The following CRACR2A variants were observed in gnomAD, a reference collection of about 807,000 sequenced individuals.
CRACR2A encodes calcium release activated channel regulator 2A.
CRACR2A carries 79 observed loss-of-function variants against 90.5 expected under a neutral mutation model. That is an observed-to-expected ratio of 0.87 (90% CI 0.73 to 1.05). The LOEUF (loss-of-function observed/expected upper bound fraction) is 1.05, where lower values mean the gene tolerates loss of function less well. Among genes scored for constraint, CRACR2A ranks in the 50% least tolerant of loss-of-function variants. The pLI is 0.00. For synonymous variants in CRACR2A, 338 were observed against 356.7 expected (o/e 0.95, Z 0.59); for missense variants, 823 against 897.2 (o/e 0.92, Z 1.06).
At chr12:3,675,324 G>A (rs185737502) in intron 6 of CRACR2A, among the ~76,000 whole-genome samples, 2 of 151,902 alleles carry the variant, frequency 1.3e-5, no homozygotes, top group Non-Finnish European at 2.9e-5. Context: ...AATGGGTGGT[G>A]ACCTCCCATC....
chr12:3,623,630 T>C lies in CRACR2A; in HGVS notation c.1932+3806A>G, dbSNP rs190870114. On this transcript the variant is annotated intron_variant, in intron 17 of 19. Transcript: ENST00000440314. ...GAATGGTTAAACCAATTCTACCCAATTGAGATAAGAAATTGGGGGTGGGTT... is the reference window on the plus strand; with the variant it reads ...GAATGGTTAAACCAATTCTACCCAACTGAGATAAGAAATTGGGGGTGGGTT... Among the ~76,000 whole-genome samples the C allele has an allele frequency of 4.6e-5, 7 of 152,262 alleles. No homozygotes were observed. In the East Asian group the frequency reaches 9.6e-4, roughly 21 times the overall value.
intron 8 of CRACR2A, among the ~76,000 whole-genome samples, chr12:3,658,960 G>A (rs1409693741): frequency 6.6e-6 from 1 of 152,184 alleles, no homozygotes; most frequent in Non-Finnish European, 1.5e-5. Flanking sequence ...GTCAGACCAG[G>A]AAGAGGGAAG....
In CRACR2A at chr12:3,644,656, G is replaced by A; in HGVS notation, c.1119-16C>T. 1.3e-6 allele frequency: 2 copies of A among 1,551,506 alleles called. No homozygotes were observed. The highest frequency in any genetic ancestry group is 4.9e-5 in the East Asian group (2 of 40,920). ...GTTCCTTTCCCTGTGGATGGTAAAG[G>A]GGAATCTATTCAAACATGGAGTTTG... is the stretch of plus-strand genomic sequence containing the variant. On this transcript the variant is annotated splice_polypyrimidine_tract_variant and intron_variant, in intron 11 of 19. Transcript: ENST00000440314.
chr12:3,647,513 G>A (rs147164140), intron 11 of CRACR2A, among the ~76,000 whole-genome samples: 120 of 152,010 alleles, frequency 7.9e-4, no homozygotes, highest in African/African-American at 2.7e-3. Context: ...GTCCTTATAC[G>A]TTTTGTTCTC....
Position 3,638,192 on chromosome 12 carries a change from C to T in CRACR2A, c.1534G>A (p.Ala512Thr). The T allele has an allele frequency of 6.4e-7, 1 of 1,551,300 alleles. No individual in the cohort carries two copies. The highest frequency in any genetic ancestry group is 1.7e-4 in the Middle Eastern group (1 of 5,976). ...GTGGGGGTGAGTTTCAAGGGTGGGG[C>T]CTCCGGGATTTGTCCCTGTACCCCC... ...DQGVQGQIPE[A>T]PPLKLTPTSP... The change falls in exon 14 of 20, where the codon GCC becomes ACC. Residue 512 changes from alanine to threonine, a missense_variant. Coordinates refer to ENST00000440314, the MANE Select transcript of CRACR2A (RefSeq NM_001144958.2).
intron 17 of CRACR2A, among the ~76,000 whole-genome samples, chr12:3,620,633 T>C (rs1565459944): frequency 5.9e-5 from 9 of 152,266 alleles, no homozygotes; most frequent in Admixed American, 4.6e-4. Flanking sequence ...CACTGAATTA[T>C]GAGAACTCTT....
At chr12:3,719,995 T>G (rs996662075) in intron 2 of CRACR2A, among the ~76,000 whole-genome samples, 4 of 151,812 alleles carry the variant, frequency 2.6e-5, no homozygotes, top group Non-Finnish European at 4.4e-5. Context: ...GGCGGGCGCC[T>G]GTAATCCCAG....
chr12:3,714,297 A>G (rs1946050756), intron 2 of CRACR2A, among the ~76,000 whole-genome samples: 1 of 152,258 alleles, frequency 6.6e-6, no homozygotes, highest in African/African-American at 2.4e-5. Context: ...TCCAGTGGGC[A>G]GAGACAAATA....
At chr12:3,701,170 A>G (rs1945828962) in intron 3 of CRACR2A, among the ~76,000 whole-genome samples, 1 of 152,114 alleles carries the variant, frequency 6.6e-6, no homozygotes, top group Non-Finnish European at 1.5e-5. Flanking sequence ...ATGGAAAAAA[A>G]AAAGCACAAT....
intron 5 of CRACR2A, among the ~76,000 whole-genome samples, chr12:3,679,423 G>A (rs963889165): frequency 2.0e-5 from 3 of 152,166 alleles, no homozygotes; most frequent in Non-Finnish European, 4.4e-5. Context: ...AAGCAACAAG[G>A]CCTTTCCCTG....
chr12:3,649,793 G>C (rs867117231), intron 10 of CRACR2A, among the ~76,000 whole-genome samples: 1 of 151,686 alleles, frequency 6.6e-6, no homozygotes, highest in African/African-American at 2.4e-5. Flanking sequence ...AAAGAGGTGA[G>C]GGGGAGCAAA....
At chr12:3,693,694 CT>C (rs1293462750) in intron 4 of CRACR2A, among the ~76,000 whole-genome samples, 1 of 152,148 alleles carries the variant, frequency 6.6e-6, no homozygotes, top group African/African-American at 2.4e-5. Flanking sequence ...GTCTGATGGG[CT>C]TCCCTTTGTA....
chr12:3,679,747 T>G (rs1945412546), intron 5 of CRACR2A, among the ~76,000 whole-genome samples: 1 of 152,250 alleles, frequency 6.6e-6, no homozygotes, highest in Non-Finnish European at 1.5e-5. Context: ...ATCTCGATTC[T>G]TCTTCCTCCT....
chr12:3,711,274 C>CT lies in CRACR2A; in HGVS notation c.-37+1962dup, dbSNP rs1395338623. 6.6e-6 allele frequency among the ~76,000 whole-genome samples: 1 copy of CT among 152,216 alleles called. No individual in the cohort carries two copies. Among genetic ancestry groups the CT allele is most frequent in the Non-Finnish European group, 1.5e-5 (1 of 68,036 alleles). On this transcript the variant is annotated intron_variant, in intron 3 of 19. Coordinates refer to ENST00000440314, the MANE Select transcript of CRACR2A (RefSeq NM_001144958.2). This position sits in a 1 kb window ranked among gnomAD's most constrained non-coding sequence, Gnocchi z 4.3. ...GGGATAGGCTGAGAATGTTCCAAGT[C>CT]TTTAAGTTCTCTGCCTTTGACTCGC...
intron 1 of CRACR2A, among the ~76,000 whole-genome samples, chr12:3,747,291 A>T (rs939224452): frequency 6.6e-6 from 1 of 152,214 alleles, no homozygotes; most frequent in Non-Finnish European, 1.5e-5. Context: ...CCTATTTCAT[A>T]AAACGGTTAC....
rs1170992111 is a variant in CRACR2A at position 3,628,223 on chromosome 12, TTC to T, written c.1736-519_1736-518del. 6.0e-5 allele frequency among the ~76,000 whole-genome samples: 8 copies of T among 132,896 alleles called. No individual in the cohort carries two copies. In the East Asian group the frequency reaches 8.3e-4, roughly 14 times the overall value. 87.2% of individuals were successfully genotyped at this position (132,896 alleles called of 152,430 possible). A position where few individuals can be genotyped will look rare whatever the true frequency, so the allele number is the denominator to read the frequency against. On this transcript the variant is annotated intron_variant, in intron 15 of 19. Coordinates refer to ENST00000440314, the MANE Select transcript of CRACR2A (RefSeq NM_001144958.2). ...TTTCTCTCTTCCTCTCTTCCTTCCT[TTC>T]TCTCTTTCTTTCTTTCTTTCCTTCT...
intron 17 of CRACR2A, among the ~76,000 whole-genome samples, chr12:3,624,876 C>G (rs752779410): frequency 6.6e-6 from 1 of 152,190 alleles, no homozygotes; most frequent in Non-Finnish European, 1.5e-5. Context: ...GTTCAAGGAG[C>G]GCTTGTTTAG....
intron 13 of CRACR2A, chr12:3,640,521 C>T: frequency 8.2e-7 from 1 of 1,217,532 alleles, no homozygotes; most frequent in Non-Finnish European, 1.1e-6. Flanking sequence ...CTGAATCAAT[C>T]AATCAATCCA....
intron 17 of CRACR2A, 150 bp downstream of exon 17, chr12:3,627,286 G>A (rs1341707863): frequency 1.1e-5 from 7 of 640,022 alleles, no homozygotes; most frequent in Non-Finnish European, 1.3e-5. Context: ...CAGACGAACA[G>A]AGGAACACAT....
Sources: gnomAD v4.1 joint callset for allele counts (sites outside exome capture counted in the v4.1 genomes callset) on GRCh38, gnomAD v4.1.1 for gene constraint, Gnocchi (gnomAD v3.1) non-coding constraint, MANE v1.5 for transcripts, NCBI Gene and HGNC (gene_info 2026-07-23, HGNC 2026-07-21) for gene names.